Variants in BCL6 observed in about 807,000 individuals in gnomAD.
BCL6 encodes B-cell lymphoma 6 protein.
Under a neutral mutation model 59.5 loss-of-function variants are expected in BCL6, and 7 were observed. The observed-to-expected ratio is 0.12, with a 90% CI of 0.07 to 0.22. The LOEUF (loss-of-function observed/expected upper bound fraction) is 0.22. BCL6 is among the 10% of genes least tolerant of loss of function. The pLI is 1.00. For missense variants in BCL6, 685 were observed against 939.4 expected (o/e 0.73, Z 3.54); for synonymous variants, 339 against 349.7 (o/e 0.97, Z 0.34).
At chr3:187,744,568 T>C (rs560847297) in intron 1 of BCL6, among the ~76,000 whole-genome samples, 8 of 152,072 alleles carry the variant, frequency 5.3e-5, no homozygotes, top group Middle Eastern at 3.4e-3. Flanking sequence ...TCATCTGGAT[T>C]TATGACCAAA....
At chr3:187,735,600 C>T (rs1185536495) in intron 1 of BCL6, among the ~76,000 whole-genome samples, 3 of 152,300 alleles carry the variant, frequency 2.0e-5, no homozygotes, top group Non-Finnish European at 4.4e-5. Flanking sequence ...TAAGACCAGA[C>T]AGAATGCCAT....
At chr3:187,722,773 G>A (rs909410109) in intron 9 of BCL6, among the ~76,000 whole-genome samples, 172 bp from the exon 10 acceptor site, 2 of 152,212 alleles carry the variant, frequency 1.3e-5, no homozygotes, top group African/African-American at 4.8e-5. Flanking sequence ...AGATAAGCTA[G>A]CGTTGTGCAA....
chr3:187,744,768 G>T, intron 1 of BCL6, among the ~76,000 whole-genome samples: 1 of 152,068 alleles, frequency 6.6e-6, no homozygotes, highest in African/African-American at 2.4e-5. Context: ...AAGAAGAGGC[G>T]AGGAAAAAGA....
rs1464219738 is a variant in BCL6 at position 187,725,372 on chromosome 3, A to ACCTGCCCGCTCCGCTTG, written c.1839+110_1839+126dup. On this transcript the variant is annotated intron_variant, in intron 8 of 9. Coordinates refer to ENST00000406870, the MANE Select transcript of BCL6 (RefSeq NM_001706.5). The surrounding 1 kb of genome is among the most constrained non-coding windows in gnomAD (Gnocchi z 4.7). ...GGACTTTCTCCTGCCCGCTCTGCTCACCTGCCCGCTCCGCTTGCCTGCCCG... is the reference window on the plus strand; with the variant it reads ...GGACTTTCTCCTGCCCGCTCTGCTCACCTGCCCGCTCCGCTTGCCTGCCCGCTCCGCTTGCCTGCCCG... 29 of 1,502,148 alleles carry ACCTGCCCGCTCCGCTTG rather than the reference A, an allele frequency of 1.9e-5. No homozygotes were observed. Among genetic ancestry groups the ACCTGCCCGCTCCGCTTG allele is most frequent in the African/African-American group, 1.2e-4 (8 of 68,516 alleles). 93.1% of individuals were successfully genotyped at this position (1,502,148 alleles called of 1,614,324 possible).
At chr3:187,744,375 G>T in intron 1 of BCL6, among the ~76,000 whole-genome samples, 2 of 151,246 alleles carry the variant, frequency 1.3e-5, no homozygotes, top group East Asian at 2.0e-4. Flanking sequence ...CTCGGGATGA[G>T]CAGGGAGAGC....
In BCL6 at chr3:187,744,887, A is replaced by G. The variant is rs540407128; in HGVS notation, c.-50+523T>C. Among the ~76,000 whole-genome samples, 7 of 152,250 alleles carry G rather than the reference A, an allele frequency of 4.6e-5. No homozygotes were observed. The South Asian group carries it at 8.3e-4, about 18-fold the overall frequency. ...CGAATCCAGAGAGATCACAAGCCGT[A>G]CGCAAGCAGCAGCAGAAAGAGCGAG... On this transcript the variant is annotated intron_variant, in intron 1 of 9. Transcript: ENST00000406870.
intron 4 of BCL6, among the ~76,000 whole-genome samples, chr3:187,731,439 G>T (rs372627219): frequency 6.6e-6 from 1 of 152,046 alleles, no homozygotes; most frequent in East Asian, 1.9e-4. Flanking sequence ...TCCAAGATTA[G>T]CCTTGCAGGA....
In BCL6 at chr3:187,729,654, G is replaced by A. The variant is rs1718926949; in HGVS notation, c.751C>T (p.Pro251Ser). ...TAGATATTGCTGTGGCACACATTGG[G>A]GGACACCTCCAAAGTCGGCCGGCTG... ...EYSRPTLEVS[P>S]NVCHSNIYSP... Residue 251 changes from proline to serine, a missense_variant, in exon 5 of 10, where the codon CCC (proline) becomes TCC (serine). By Grantham distance (74) the Pro-to-Ser change is moderately conservative (BLOSUM62 -1). This residue lies in a region of BCL6 where 268 missense variants were observed against 263.8 expected (regional missense o/e 1.02). Coordinates refer to ENST00000406870, the MANE Select transcript of BCL6 (RefSeq NM_001706.5). The surrounding 1 kb of genome is among the most constrained non-coding windows in gnomAD (Gnocchi z 5.6). 6.2e-7 allele frequency: 1 copy of A among 1,614,166 alleles called. No homozygotes were observed. Among genetic ancestry groups the A allele is most frequent in the Admixed American group, 1.7e-5 (1 of 60,030 alleles).
Position 187,729,560 on chromosome 3 carries a change from T to C in BCL6, c.845A>G (p.Lys282Arg). The C allele has an allele frequency of 5.6e-6, 9 of 1,614,072 alleles. No homozygotes were observed. Among genetic ancestry groups the C allele is most frequent in the Non-Finnish European group, 7.6e-6 (9 of 1,180,028 alleles). Reference sequence around the variant, plus strand: ...ATTTCGGGCTGAGGGGGCAGCAGGTTTGAGGCCCTCAGCCACACTGTAGTG... The same window carrying C: ...ATTTCGGGCTGAGGGGGCAGCAGGTCTGAGGCCCTCAGCCACACTGTAGTG... The part of the protein sequence containing the change: ...DMHYSVAEGL[K>R]PAAPSARNAP... Residue 282 changes from lysine to arginine, a missense_variant, in exon 5 of 10, where the codon AAA (lysine) becomes AGA (arginine). By Grantham distance (26) the Lys-to-Arg change is conservative (BLOSUM62 2). Around this residue, in one of 7 missense-constraint regions of BCL6, gnomAD observed 268 missense variants for 263.8 expected, o/e 1.02. Transcript: ENST00000406870. The surrounding 1 kb of genome is among the most constrained non-coding windows in gnomAD (Gnocchi z 5.6).
intron 1 of BCL6, among the ~76,000 whole-genome samples, chr3:187,744,560 A>C (rs1576885134): frequency 1.3e-5 from 2 of 152,062 alleles, no homozygotes; most frequent in Admixed American, 6.5e-5. Context: ...ACTTCATCTC[A>C]TCTGGATTTA....
chr3:187,744,956 C>G, intron 1 of BCL6, among the ~76,000 whole-genome samples: 1 of 152,230 alleles, frequency 6.6e-6, no homozygotes, highest in African/African-American at 2.4e-5. Context: ...CCAGACAGCC[C>G]CCAGACTAGC....
At chr3:187,744,504 T>G (rs1576885030) in intron 1 of BCL6, among the ~76,000 whole-genome samples, 2 of 151,762 alleles carry the variant, frequency 1.3e-5, no homozygotes, top group Admixed American at 6.6e-5. Flanking sequence ...AACACTCGGC[T>G]CTCATTAGGA....
At position 187,731,705 on chromosome 3, in the gene BCL6, T is replaced by C. The variant is rs1290159243; in HGVS notation, c.383+4A>G. On this transcript the variant is annotated splice_donor_region_variant and intron_variant, in intron 4 of 9. Transcript: ENST00000406870. ...CCGACGCTTCCACCCGGGTAGCAAC[T>C]CACCTGGCCTTAATAAACTTCCGGC... The C allele has an allele frequency of 3.1e-6, 5 of 1,613,462 alleles. No individual in the cohort carries two copies. The highest frequency in any genetic ancestry group is 3.4e-6 in the Non-Finnish European group (4 of 1,179,844).
rs762173942 is a variant in BCL6 at position 187,725,454 on chromosome 3, G to A, written c.1839+45C>T. On this transcript the variant is annotated intron_variant, in intron 8 of 9. Transcript: ENST00000406870. The surrounding 1 kb of genome is among the most constrained non-coding windows in gnomAD (Gnocchi z 4.7). ...TGCCCACTCCTCCGCTCGCCTGCCC[G>A]CTCCGCTCGCCTGCCCGCTCCGCTC... is the stretch of plus-strand genomic sequence containing the variant. 2.7e-4 allele frequency: 413 copies of A among 1,545,904 alleles called. 5 individuals carry two copies. The East Asian group carries it at 5.2e-3, about 19-fold the overall frequency.
At chr3:187,745,122 A>T (rs182227647) in intron 1 of BCL6, among the ~76,000 whole-genome samples, 2 of 152,182 alleles carry the variant, frequency 1.3e-5, no homozygotes, top group South Asian at 2.1e-4. Flanking sequence ...AAAGACAACA[A>T]TAATAATAAT....
intron 1 of BCL6, among the ~76,000 whole-genome samples, chr3:187,735,464 T>A (rs2108473863): frequency 6.6e-6 from 1 of 152,380 alleles, no homozygotes; most frequent in South Asian, 2.1e-4. Flanking sequence ...CAGTATTTCC[T>A]GCCCATCTGA....
Position 187,725,531 on chromosome 3 carries a change from T to C in BCL6, c.1807A>G (p.Lys603Glu). ...AATCTGGCTCCGCAGGTTTCGCATT[T>C]GTAGGGCTTCTCTCCAGAGTGAATT... ...TRIHSGEKPYKCETCGARFVQ... is the reference protein window; with the variant it reads ...TRIHSGEKPYECETCGARFVQ... The change falls in exon 8 of 10, where the codon AAA (lysine) becomes GAA (glutamate). Residue 603 changes from lysine (K) to glutamate (E), a missense_variant. Physicochemically the swap from Lys to Glu is moderately conservative, Grantham distance 56 (BLOSUM62 1). Coordinates refer to ENST00000406870, the MANE Select transcript of BCL6 (RefSeq NM_001706.5). This position sits in a 1 kb window ranked among gnomAD's most constrained non-coding sequence, Gnocchi z 4.7. 1 of 1,614,186 alleles carries C rather than the reference T, an allele frequency of 6.2e-7. No individual in the cohort carries two copies. The highest frequency in any genetic ancestry group is 8.5e-7 in the Non-Finnish European group (1 of 1,180,026).
chr3:187,744,874 G>A (rs557823075), intron 1 of BCL6, among the ~76,000 whole-genome samples: 5 of 152,248 alleles, frequency 3.3e-5, no homozygotes, highest in East Asian at 1.9e-4. Context: ...AATCCAGAGA[G>A]ATCACAAGCC....
In BCL6 at chr3:187,729,981, C is replaced by G; in HGVS notation, c.424G>C (p.Glu142Gln). 1 of 1,592,842 alleles carries G rather than the reference C, an allele frequency of 6.3e-7. No individual in the cohort carries two copies. Among genetic ancestry groups the G allele is most frequent in the Non-Finnish European group, 8.6e-7 (1 of 1,168,086 alleles). The change falls in exon 5 of 10, where the codon GAG becomes CAG. Residue 142 changes from glutamate (E) to glutamine (Q), a missense_variant. By Grantham distance (29) the Glu-to-Gln change is conservative. This residue lies in a region of BCL6 where 268 missense variants were observed against 263.8 expected (regional missense o/e 1.02). Transcript: ENST00000406870. This position sits in a 1 kb window ranked among gnomAD's most constrained non-coding sequence, Gnocchi z 5.6. ...MVSAIKPPRE[E>Q]FLNSRMLMPQ... ...ATCAGCATCCGGCTGTTGAGGAACT[C>G]TTCACGAGGAGGCTTGATGGCAGAA... is the stretch of plus-strand genomic sequence containing the variant.
Sources: allele counts gnomAD v4.1 joint callset (sites outside exome capture counted in the v4.1 genomes callset), GRCh38; gene constraint gnomAD v4.1.1; regional missense constraint gnomAD v4.1.1; non-coding constraint Gnocchi (gnomAD v3.1); transcripts MANE v1.5; gene names NCBI Gene and HGNC (gene_info 2026-07-23, HGNC 2026-07-21).